Variants in SH2D4A observed in about 807,000 individuals in gnomAD.
SH2D4A encodes the protein SH2 domain-containing protein 4A.
SH2D4A carries 70 observed loss-of-function variants against 64.7 expected under a neutral mutation model. The ratio of observed to expected loss-of-function variants is 1.08; its 90% CI spans 0.89 to 1.32. The LOEUF (loss-of-function observed/expected upper bound fraction) is 1.32, where lower values mean the gene tolerates loss of function less well. Ranked by LOEUF, SH2D4A falls within the 40% of genes most tolerant of loss-of-function variation. The pLI, the probability that SH2D4A is intolerant of heterozygous loss-of-function variation, is 0.00. For missense variants in SH2D4A, 706 were observed against 540.1 expected (o/e 1.31, Z -3.04); for synonymous variants, 268 against 200.7 (o/e 1.34, Z -2.83).
chr8:19,389,191 G>A, intron 8 of SH2D4A, among the ~76,000 whole-genome samples: 1 of 152,166 alleles, frequency 6.6e-6, no homozygotes, highest in East Asian at 1.9e-4. Context: ...CTGCCCTGTG[G>A]GGCAGTCCCT....
intron 4 of SH2D4A, among the ~76,000 whole-genome samples, chr8:19,356,474 T>G (rs2052793400): frequency 2.0e-5 from 3 of 152,214 alleles, no homozygotes; most frequent in Non-Finnish European, 4.4e-5. Flanking sequence ...CTACCCATGT[T>G]GGGACTTAGC....
At chr8:19,330,739 A>G (rs1585150936) in intron 2 of SH2D4A, among the ~76,000 whole-genome samples, 2 of 152,046 alleles carry the variant, frequency 1.3e-5, no homozygotes, top group Admixed American at 6.6e-5. Context: ...GCCACTTGCC[A>G]TCTTTCTGGG....
At chr8:19,386,287 C>T (rs1391678125) in intron 8 of SH2D4A, among the ~76,000 whole-genome samples, 1 of 152,230 alleles carries the variant, frequency 6.6e-6, no homozygotes, top group Non-Finnish European at 1.5e-5. Flanking sequence ...TAAAACTACA[C>T]ACATTAATTC....
At chr8:19,324,146 C>T (rs2052235487) in intron 2 of SH2D4A, among the ~76,000 whole-genome samples, 1 of 152,206 alleles carries the variant, frequency 6.6e-6, no homozygotes, top group Non-Finnish European at 1.5e-5. Flanking sequence ...GCCACAGAGC[C>T]TTCTTCTTGG....
chr8:19,384,472 G>A (rs561072312), intron 8 of SH2D4A, among the ~76,000 whole-genome samples: 2 of 152,208 alleles, frequency 1.3e-5, no homozygotes, highest in African/African-American at 2.4e-5. Context: ...CATTTTTTCA[G>A]TTCCGGACTG....
At chr8:19,387,508 G>T (rs2053410607) in intron 8 of SH2D4A, among the ~76,000 whole-genome samples, 1 of 152,254 alleles carries the variant, frequency 6.6e-6, no homozygotes, top group East Asian at 1.9e-4. Context: ...CCAAAGTGCT[G>T]GGATTATGGG....
At position 19,347,442 on chromosome 8, in the gene SH2D4A, T is replaced by G. The variant is rs145251711; in HGVS notation, c.514-9761T>G. 3.6e-3 allele frequency among the ~76,000 whole-genome samples: 551 copies of G among 152,340 alleles called. 2 individuals carry two copies. The highest frequency in any genetic ancestry group is 0.01 in the Middle Eastern group (3 of 294). On this transcript the variant is annotated intron_variant, in intron 4 of 9. Transcript: ENST00000265807. ...GAGACCCTCTATGTGGATAGCCATCTGAATGCAGTGATGTCCCCCGTCCCC... is the reference window on the plus strand; with the variant it reads ...GAGACCCTCTATGTGGATAGCCATCGGAATGCAGTGATGTCCCCCGTCCCC...
intron 8 of SH2D4A, among the ~76,000 whole-genome samples, chr8:19,382,823 C>CTTTTTTTTTTTT (rs1159245319): frequency 2.0e-4 from 13 of 64,628 alleles, no homozygotes; most frequent in South Asian, 6.6e-4. Flanking sequence ...TTTTAAGATT[C>CTTTTTTTTTTTT]TTTTTTTTTT....
intron 8 of SH2D4A, among the ~76,000 whole-genome samples, chr8:19,387,488 C>T (rs564324274): frequency 5.9e-5 from 9 of 152,382 alleles, no homozygotes; most frequent in East Asian, 3.9e-4. Context: ...GATCCTCCCG[C>T]GTCAGCCTCC....
At chr8:19,314,360 C>T (rs1261755753) in intron 1 of SH2D4A, among the ~76,000 whole-genome samples, 1 of 152,080 alleles carries the variant, frequency 6.6e-6, no homozygotes, top group Non-Finnish European at 1.5e-5. Context: ...CCCCGCAGCA[C>T]GTTCCCCGCG....
chr8:19,319,657 G>C lies in SH2D4A; in HGVS notation c.110G>C (p.Arg37Pro), dbSNP rs1443692024. ...TTCAAGATGAGAGAGGAACAGATCC[G>C]ACGATGGAAAGAAAGAGAAGCAGCT... Reference protein sequence around the residue: ...LFFKMREEQIRRWKEREAAME... With the variant: ...LFFKMREEQIPRWKEREAAME... Residue 37 changes from arginine to proline, a missense_variant, in exon 2 of 10, where the codon CGA (arginine) becomes CCA (proline). Transcript: ENST00000265807. 3 of 1,611,142 alleles carry C rather than the reference G, an allele frequency of 1.9e-6. No individual in the cohort carries two copies. The Admixed American group carries it at 5.0e-5, about 27-fold the overall frequency.
At position 19,373,513 on chromosome 8, in the gene SH2D4A, A is replaced by T. The variant is rs774957475; in HGVS notation, c.918-17A>T. On this transcript the variant is annotated splice_polypyrimidine_tract_variant and intron_variant, in intron 7 of 9. Transcript: ENST00000265807. ...AAATTAGTTAAATCTAACTTGAAAA[A>T]CTTTTATAAATAACAGAAATCAGGG... The T allele has an allele frequency of 6.4e-7, 1 of 1,560,044 alleles. No homozygotes were observed. Among genetic ancestry groups the T allele is most frequent in the South Asian group, 1.2e-5 (1 of 80,542 alleles).
intron 2 of SH2D4A, among the ~76,000 whole-genome samples, chr8:19,329,371 C>T (rs1208437725): frequency 1.3e-5 from 2 of 152,116 alleles, no homozygotes; most frequent in Non-Finnish European, 2.9e-5. Context: ...TCCTTTAACA[C>T]CACCCCCACC....
chr8:19,331,975 A>C lies in SH2D4A; in HGVS notation c.182-980A>C, dbSNP rs2052370390. On this transcript the variant is annotated intron_variant, in intron 2 of 9. Transcript: ENST00000265807. Reference sequence around the variant, plus strand: ...TTGAGACCAGCCTGGGCAACAAAGCAAAGCCCTGTCTCTACAAAAAATTTT... The same window carrying C: ...TTGAGACCAGCCTGGGCAACAAAGCCAAGCCCTGTCTCTACAAAAAATTTT... Among the ~76,000 whole-genome samples, 7 of 152,220 alleles carry C rather than the reference A, an allele frequency of 4.6e-5. No individual in the cohort carries two copies. In the South Asian group the frequency reaches 1.5e-3, roughly 32 times the overall value.
At chr8:19,332,539 A>C (rs1370295884) in intron 2 of SH2D4A, among the ~76,000 whole-genome samples, 3 of 151,944 alleles carry the variant, frequency 2.0e-5, no homozygotes, top group African/African-American at 7.3e-5. Context: ...CTCTACTAAA[A>C]ATACAAAAAT....
intron 2 of SH2D4A, among the ~76,000 whole-genome samples, chr8:19,331,150 T>C (rs1412706661): frequency 6.6e-6 from 1 of 152,066 alleles, no homozygotes; most frequent in Non-Finnish European, 1.5e-5. Context: ...GTAGAAAGGG[T>C]CAAAAGAAAG....
intron 2 of SH2D4A, among the ~76,000 whole-genome samples, chr8:19,323,081 G>A (rs2052218852): frequency 6.6e-6 from 1 of 152,112 alleles, no homozygotes; most frequent in African/African-American, 2.4e-5. Context: ...GATTTCTGTA[G>A]TGGGAGAATG....
chr8:19,343,540 T>G (rs1404944250), intron 4 of SH2D4A, among the ~76,000 whole-genome samples: 1 of 152,154 alleles, frequency 6.6e-6, no homozygotes, highest in African/African-American at 2.4e-5. Flanking sequence ...ATAACATATT[T>G]GGAAATTCTT....
intron 7 of SH2D4A, among the ~76,000 whole-genome samples, chr8:19,366,404 C>T (rs11783579): frequency 7.4e-4 from 112 of 152,250 alleles, no homozygotes; most frequent in African/African-American, 2.6e-3. Context: ...GAACTTATTT[C>T]TGCTGTCTCA....
Sources: gnomAD v4.1 joint callset for allele counts (sites outside exome capture counted in the v4.1 genomes callset) on GRCh38, gnomAD v4.1.1 for gene constraint, MANE v1.5 for transcripts, NCBI Gene and HGNC (gene_info 2026-07-23, HGNC 2026-07-21) for gene names.